KLF12: variants seen among roughly 807,000 people sequenced by gnomAD.
The protein encoded by KLF12 is KLF transcription factor 12.
KLF12 carries 9 observed loss-of-function variants against 37.8 expected under a neutral mutation model. The observed-to-expected ratio is 0.24, with a 90% CI of 0.14 to 0.42. The LOEUF (loss-of-function observed/expected upper bound fraction) is 0.42, where lower values mean the gene tolerates loss of function less well. KLF12 is among the 10% of genes least tolerant of loss of function. KLF12 has a pLI of 1.00. For missense variants in KLF12, 411 were observed against 516.0 expected (o/e 0.80, Z 1.97); for synonymous variants, 208 against 202.1 (o/e 1.03, Z -0.25).
chr13:73,718,385 C>G (rs757079100), intron 6 of KLF12, among the ~76,000 whole-genome samples: 1 of 152,210 alleles, frequency 6.6e-6, no homozygotes, highest in Non-Finnish European at 1.5e-5. Context: ...AATTGCTTCA[C>G]TGTGAGTTCT....
intron 1 of KLF12, among the ~76,000 whole-genome samples, chr13:74,018,574 T>TA (rs1302514617): frequency 2.6e-5 from 4 of 152,256 alleles, no homozygotes; most frequent in Non-Finnish European, 4.4e-5. Flanking sequence ...TTATATCAGT[T>TA]AAAAAAATAA....
intron 1 of KLF12, among the ~76,000 whole-genome samples, chr13:74,101,045 A>G (rs1307094699): frequency 6.6e-6 from 1 of 152,162 alleles, no homozygotes; most frequent in Non-Finnish European, 1.5e-5. Flanking sequence ...ATTTTCATCT[A>G]TTCTGAGTGC....
chr13:73,904,166 G>A (rs1462888441), intron 3 of KLF12, among the ~76,000 whole-genome samples: 5 of 152,134 alleles, frequency 3.3e-5, no homozygotes, highest in Non-Finnish European at 7.4e-5. Flanking sequence ...AGGCAATCGT[G>A]ACTTTCAGAT....
chr13:74,043,298 A>G (rs1893456683), intron 1 of KLF12, among the ~76,000 whole-genome samples: 1 of 152,246 alleles, frequency 6.6e-6, no homozygotes, highest in African/African-American at 2.4e-5. Context: ...TTTATTGATG[A>G]GTAAATATGG....
chr13:74,175,092 G>A, the KLF12 span, among the ~76,000 whole-genome samples: 11 of 152,094 alleles, frequency 7.2e-5, no homozygotes, highest in Non-Finnish European at 2.9e-5. Flanking sequence ...GTACTGCTTT[G>A]GGAAATTAAT....
At chr13:73,715,219 AAG>A (rs2137679315) in intron 7 of KLF12, 147 bp downstream of exon 7, 40 of 578,158 alleles carry the variant, frequency 6.9e-5, no homozygotes, top group South Asian at 1.2e-4. Flanking sequence ...TCTCTTTCTC[AAG>A]AGAGAGAGAA....
chr13:74,260,570 AAAAT>A, the KLF12 span, among the ~76,000 whole-genome samples: 6,680 of 95,946 alleles, frequency 0.07, 743 homozygotes, highest in African/African-American at 0.3. Flanking sequence ...AAAATAAAAT[AAAAT>A]AAATAAAATA....
chr13:73,988,844 G>A (rs1439304893), intron 2 of KLF12, among the ~76,000 whole-genome samples: 1 of 152,160 alleles, frequency 6.6e-6, no homozygotes, highest in East Asian at 1.9e-4. Context: ...CTATTTTAAT[G>A]AGCACTAGTA....
intron 5 of KLF12, among the ~76,000 whole-genome samples, chr13:73,775,069 C>A (rs919293509): frequency 4.6e-5 from 7 of 152,016 alleles, no homozygotes; most frequent in African/African-American, 1.2e-4. Flanking sequence ...AGGTATGTGC[C>A]ACCATGCCTG....
At chr13:74,120,968 CAA>C (rs1877601443) in intron 1 of KLF12, among the ~76,000 whole-genome samples, 1 of 151,906 alleles carries the variant, frequency 6.6e-6, no homozygotes, top group African/African-American at 2.4e-5. Flanking sequence ...TATGAGGGAA[CAA>C]AAGAGAAAAA....
chr13:74,038,429 G>A (rs776216149), intron 1 of KLF12, among the ~76,000 whole-genome samples: 7 of 152,102 alleles, frequency 4.6e-5, no homozygotes, highest in Non-Finnish European at 8.8e-5. Flanking sequence ...TATGATCTTT[G>A]ATCTGGAAGA....
intron 6 of KLF12, among the ~76,000 whole-genome samples, chr13:73,736,051 T>C (rs1877440386): frequency 6.6e-6 from 1 of 152,024 alleles, no homozygotes; most frequent in South Asian, 2.1e-4. Flanking sequence ...AGCTCCTCTC[T>C]CACCTATGCT....
intron 5 of KLF12, among the ~76,000 whole-genome samples, chr13:73,807,784 T>C (rs1332051512): frequency 6.6e-6 from 1 of 152,184 alleles, no homozygotes; most frequent in Non-Finnish European, 1.5e-5. Flanking sequence ...TTGTATCTTT[T>C]CCTCCACCTT....
At chr13:73,769,149 G>A (rs959504996) in intron 5 of KLF12, among the ~76,000 whole-genome samples, 6 of 152,034 alleles carry the variant, frequency 3.9e-5, no homozygotes, top group Non-Finnish European at 8.8e-5. Context: ...TGTTATATTA[G>A]CATTGCTATT....
intron 5 of KLF12, among the ~76,000 whole-genome samples, chr13:73,779,022 T>C (rs1267697782): frequency 1.3e-5 from 2 of 152,226 alleles, no homozygotes; most frequent in African/African-American, 4.8e-5. Context: ...GCTATTTAAA[T>C]GACCATCTAA....
intron 4 of KLF12, among the ~76,000 whole-genome samples, chr13:73,833,693 C>T (rs1884282469): frequency 1.3e-5 from 2 of 152,070 alleles, no homozygotes; most frequent in African/African-American, 4.8e-5. Context: ...GAAAAGGCTT[C>T]CCTTTGCTTT....
intron 3 of KLF12, among the ~76,000 whole-genome samples, chr13:73,900,532 GA>G (rs560858192): frequency 4.5e-4 from 68 of 151,666 alleles, no homozygotes; most frequent in African/African-American, 1.4e-3. Context: ...ACATATTATG[GA>G]ATGATTACAT....
chr13:74,248,178 C>CGTTTGTCAGTTTGATTCTTGTGAGTTTA, the KLF12 span, among the ~76,000 whole-genome samples: 1 of 152,090 alleles, frequency 6.6e-6, no homozygotes, highest in Non-Finnish European at 1.5e-5. Context: ...TTTGTACATC[C>CGTTTGTCAGTTTGATTCTTGTGAGTTTA]GTTTGTCAGT....
the KLF12 span, among the ~76,000 whole-genome samples, chr13:74,247,095 T>C: frequency 2.6e-5 from 4 of 152,322 alleles, no homozygotes; most frequent in South Asian, 6.2e-4. Flanking sequence ...TTCTTTTTTT[T>C]CGACCAGATT....
Sources: allele counts gnomAD v4.1 joint callset (sites outside exome capture counted in the v4.1 genomes callset), GRCh38; gene constraint gnomAD v4.1.1; transcripts MANE v1.5; gene names NCBI Gene and HGNC (gene_info 2026-07-23, HGNC 2026-07-21).